NRXN3: variants seen among roughly 807,000 people sequenced by gnomAD.
NRXN3 encodes neurexin III.
Under a neutral mutation model 137.6 loss-of-function variants are expected in NRXN3, and 32 were observed. That is an observed-to-expected ratio of 0.23 (90% confidence interval 0.18 to 0.31). The LOEUF (loss-of-function observed/expected upper bound fraction) is 0.31, where lower values mean the gene tolerates loss of function less well. NRXN3 is among the 10% of genes least tolerant of loss of function. The pLI is 1.00. For synonymous variants in NRXN3, 798 were observed against 784.5 expected (o/e 1.02, Z -0.29); for missense variants, 1,574 against 2,062.5 (o/e 0.76, Z 4.59).
At chr14:78,267,531 A>G in intron 2 of NRXN3, among the ~76,000 whole-genome samples, 1 of 152,154 alleles carries the variant, frequency 6.6e-6, no homozygotes, top group Non-Finnish European at 1.5e-5. Flanking sequence ...TCTCTGTACC[A>G]AAAGATAAAA....
intron 4 of NRXN3, among the ~76,000 whole-genome samples, chr14:78,542,884 A>C (rs1190649995): frequency 6.6e-6 from 1 of 152,056 alleles, no homozygotes; most frequent in African/African-American, 2.4e-5. Context: ...GGAGTGCTTG[A>C]GTTGGTAGGG....
At chr14:78,734,571 A>T (rs540235336) in intron 8 of NRXN3, among the ~76,000 whole-genome samples, 3 of 152,232 alleles carry the variant, frequency 2.0e-5, no homozygotes, top group Non-Finnish European at 2.9e-5. Flanking sequence ...TTACCAAGTA[A>T]TCAACAACTA....
At chr14:78,755,634 C>T (rs948243704) in intron 8 of NRXN3, among the ~76,000 whole-genome samples, 2 of 152,132 alleles carry the variant, frequency 1.3e-5, no homozygotes, top group East Asian at 1.9e-4. Context: ...AAATAGCAAC[C>T]GTAGCAGCTC....
chr14:78,176,466 G>A (rs1237174407), intron 1 of NRXN3, among the ~76,000 whole-genome samples: 1 of 150,594 alleles, frequency 6.6e-6, no homozygotes, highest in Non-Finnish European at 1.5e-5. Flanking sequence ...TGAGGAGACT[G>A]AGACTTAAAG....
At chr14:79,578,431 G>A (rs766092776) in intron 16 of NRXN3, among the ~76,000 whole-genome samples, 15 of 151,972 alleles carry the variant, frequency 9.9e-5, no homozygotes, top group Non-Finnish European at 2.2e-4. Context: ...AGCTAATCTC[G>A]GTCTCCAGCC....
intron 4 of NRXN3, among the ~76,000 whole-genome samples, chr14:78,503,303 G>A (rs901862710): frequency 2.0e-5 from 3 of 152,180 alleles, no homozygotes; most frequent in African/African-American, 7.2e-5. Context: ...GGTGGGATTT[G>A]TAGACTGCAC....
At chr14:79,197,733 C>T (rs180936600) in intron 15 of NRXN3, among the ~76,000 whole-genome samples, 140 of 152,128 alleles carry the variant, frequency 9.2e-4, no homozygotes, top group Middle Eastern at 6.8e-3. Context: ...GCAGTGGTTG[C>T]GGAAGGTTGG....
intron 15 of NRXN3, among the ~76,000 whole-genome samples, chr14:79,347,558 A>C (rs1185254586): frequency 1.3e-5 from 2 of 151,570 alleles, no homozygotes; most frequent in Non-Finnish European, 2.9e-5. Context: ...AGTAGCTGGG[A>C]CTATAGGCAC....
intron 19 of NRXN3, 69 bp downstream of exon 19, chr14:79,698,006 G>T: frequency 7.4e-7 from 1 of 1,358,684 alleles, no homozygotes; most frequent in Non-Finnish European, 1.0e-6. Context: ...CATGGTCATT[G>T]CTTTATGTAG....
Position 79,567,525 on chromosome 14 carries a change from G to C in NRXN3, c.3445-96253G>C, listed in dbSNP as rs74444430. Among the ~76,000 whole-genome samples the C allele has an allele frequency of 5.6e-3, 856 of 152,008 alleles. 38 individuals are homozygous for C. In the East Asian group the frequency reaches 0.12, roughly 21 times the overall value. On this transcript the variant is annotated intron_variant, in intron 16 of 20. Coordinates refer to ENST00000335750, the MANE Select transcript of NRXN3 (RefSeq NM_001330195.2). ...TTTAGGTAATTGCTAATTACAATCTGTCTACTTAATTCCCACGGCCCTTGC... is the reference window on the plus strand; with the variant it reads ...TTTAGGTAATTGCTAATTACAATCTCTCTACTTAATTCCCACGGCCCTTGC...
At chr14:78,387,735 G>C (rs1449033949) in intron 4 of NRXN3, among the ~76,000 whole-genome samples, 2 of 152,184 alleles carry the variant, frequency 1.3e-5, no homozygotes, top group African/African-American at 4.8e-5. Flanking sequence ...GATCCAATAA[G>C]GACTTCTTAA....
chr14:78,240,861 C>G lies in NRXN3; in HGVS notation c.-703-1530C>G, dbSNP rs1418365235. On this transcript the variant is annotated intron_variant, in intron 1 of 20. Transcript: ENST00000335750. ...TTCCTCTTCAAAGAAGGGGTAATAA[C>G]TAGCTTTGCTGATGTGGTTATCATT... 2.0e-5 allele frequency among the ~76,000 whole-genome samples: 3 copies of G among 152,294 alleles called. No homozygotes were observed. The East Asian group carries it at 5.8e-4, about 29-fold the overall frequency.
intron 15 of NRXN3, among the ~76,000 whole-genome samples, chr14:79,167,874 A>C (rs1460133946): frequency 6.7e-6 from 1 of 149,832 alleles, no homozygotes; most frequent in Non-Finnish European, 1.5e-5. Flanking sequence ...TCTGGGTCCT[A>C]CCCTTCTCAT....
intron 4 of NRXN3, among the ~76,000 whole-genome samples, chr14:78,477,575 A>C (rs1306475104): frequency 1.3e-5 from 2 of 152,202 alleles, no homozygotes; most frequent in East Asian, 3.9e-4. Context: ...GACCAATGCA[A>C]ATCAGTTCTG....
chr14:79,387,583 C>T (rs532455942), intron 15 of NRXN3, among the ~76,000 whole-genome samples: 87 of 152,220 alleles, frequency 5.7e-4, no homozygotes, highest in Non-Finnish European at 1.0e-3. Flanking sequence ...TACCATTTGA[C>T]CCAACCATCC....
chr14:78,957,315 G>C lies in NRXN3; in HGVS notation c.2349G>C (p.Arg783=). 1 of 1,614,128 alleles carries C rather than the reference G, an allele frequency of 6.2e-7. No individual in the cohort carries two copies. The change falls in exon 11 of 21, where the codon CGG becomes CGC. Residue 783 remains arginine (R), a synonymous_variant. Coordinates refer to ENST00000335750, the MANE Select transcript of NRXN3 (RefSeq NM_001330195.2). The stretch of plus-strand genomic sequence containing the variant: ...AGTGGCACACCGTTCGGGTGGTGCG[G>C]AGAGGAAAAAGCCTTAAGTTAACCG... ...DNEWHTVRVV[R]RGKSLKLTVD...
At chr14:79,133,456 A>G (rs967129397) in intron 15 of NRXN3, among the ~76,000 whole-genome samples, 1 of 152,142 alleles carries the variant, frequency 6.6e-6, no homozygotes, top group Admixed American at 6.5e-5. Flanking sequence ...ATTCTTATCT[A>G]TGAAAGTTCA....
chr14:78,350,609 G>T (rs2153593269), intron 4 of NRXN3, among the ~76,000 whole-genome samples: 1 of 152,172 alleles, frequency 6.6e-6, no homozygotes, highest in East Asian at 1.9e-4. Context: ...AAGGTGAAGG[G>T]TCTATATTAA....
rs187661190 is a variant in NRXN3, at chr14:78,216,105, A to G, written c.-703-26286A>G. 3.9e-5 allele frequency among the ~76,000 whole-genome samples: 6 copies of G among 152,350 alleles called. No homozygotes were observed. In the East Asian group the frequency reaches 5.8e-4, roughly 15 times the overall value. On this transcript the variant is annotated intron_variant, in intron 1 of 20. Coordinates refer to ENST00000335750, the MANE Select transcript of NRXN3 (RefSeq NM_001330195.2). ...TTTTTGCGGCCATTTTTCCGTGTGT[A>G]TCTGTCTCCCTTCCTCATTTTTAAC...
Sources: allele counts gnomAD v4.1 joint callset (sites outside exome capture counted in the v4.1 genomes callset), GRCh38; gene constraint gnomAD v4.1.1; transcripts MANE v1.5; gene names NCBI Gene and HGNC (gene_info 2026-07-23, HGNC 2026-07-21).